ALMS1: variants seen among roughly 807,000 people sequenced by gnomAD.
The protein encoded by ALMS1 is centrosome-associated protein ALMS1.
In ALMS1, 271 loss-of-function variants were observed where a neutral mutation model predicts 352.2. The ratio of observed to expected loss-of-function variants is 0.77; its 90% CI spans 0.70 to 0.85. The LOEUF (loss-of-function observed/expected upper bound fraction) is 0.85, where lower values mean the gene tolerates loss of function less well. Ranked by LOEUF, ALMS1 falls within the 40% of genes least tolerant of loss-of-function variation. The pLI, the probability that ALMS1 is intolerant of heterozygous loss-of-function variation, is 0.00. For missense variants in ALMS1, 5,445 were observed against 4,870.7 expected (o/e 1.12, Z -3.51); for synonymous variants, 1,865 against 1,761.2 (o/e 1.06, Z -1.48).
intron 21 of ALMS1, among the ~76,000 whole-genome samples, chr2:73,604,708 G>T (rs1283509509): frequency 6.6e-6 from 1 of 152,168 alleles, no homozygotes; most frequent in African/African-American, 2.4e-5. Context: ...TGGAGTCCTG[G>T]AAGTTGCTGA....
At chr2:73,540,912 C>T (rs1033587575) in intron 12 of ALMS1, among the ~76,000 whole-genome samples, 7 of 152,154 alleles carry the variant, frequency 4.6e-5, no homozygotes, top group African/African-American at 9.6e-5. Flanking sequence ...TAGACTCCCA[C>T]ACAATAATGT....
Position 73,406,907 on chromosome 2 carries a change from G to A in ALMS1, c.325-1715G>A, listed in dbSNP as rs560744699. Among the ~76,000 whole-genome samples the A allele has an allele frequency of 4.6e-5, 7 of 152,334 alleles. No homozygotes were observed. In the East Asian group the frequency reaches 1.3e-3, roughly 29 times the overall value. On this transcript the variant is annotated intron_variant, in intron 1 of 22. Transcript: ENST00000613296. Reference sequence around the variant, plus strand: ...TCCCAAAGTGCTGGATTACAGGCATGAGCCACCGCACCTGGCCAAAGTTAT... The same window carrying A: ...TCCCAAAGTGCTGGATTACAGGCATAAGCCACCGCACCTGGCCAAAGTTAT...
At chr2:73,454,406 C>T in intron 8 of ALMS1, 1 of 974,822 alleles carries the variant, frequency 1.0e-6, no homozygotes, top group South Asian at 4.8e-5. Flanking sequence ...GCTCCTAAAG[C>T]TATCACGTTT....
intron 1 of ALMS1, among the ~76,000 whole-genome samples, chr2:73,404,691 G>T (rs1670938209): frequency 6.6e-6 from 1 of 151,716 alleles, no homozygotes; most frequent in African/African-American, 2.4e-5. Flanking sequence ...TTTTGTTGAG[G>T]ATTTTTACAT....
At position 73,405,036 on chromosome 2, in the gene ALMS1, C is replaced by G. The variant is rs367701705; in HGVS notation, c.325-3586C>G. ...AAGCAGTCCTCCTACCTCAGCCTCC[C>G]AAGTAACTGTTACCACAGGCAAGCA... is the stretch of plus-strand genomic sequence containing the variant. On this transcript the variant is annotated intron_variant, in intron 1 of 22. Transcript: ENST00000613296. Among the ~76,000 whole-genome samples the G allele has an allele frequency of 6.0e-5, 9 of 150,952 alleles. No individual in the cohort carries two copies. In the East Asian group the frequency reaches 1.2e-3, roughly 20 times the overall value.
intron 6 of ALMS1, 93 bp downstream of exon 6, chr2:73,426,646 C>A: frequency 7.6e-7 from 1 of 1,318,992 alleles, no homozygotes; most frequent in Non-Finnish European, 1.1e-6. Flanking sequence ...TTACTTTTTA[C>A]TGTTTCCTGG....
intron 6 of ALMS1, among the ~76,000 whole-genome samples, chr2:73,428,325 A>G (rs1460061362): frequency 2.6e-5 from 4 of 152,106 alleles, no homozygotes; most frequent in African/African-American, 9.7e-5. Context: ...CAGTATTTGA[A>G]ACTAACCATA....
At chr2:73,430,193 C>T (rs570380599) in intron 6 of ALMS1, among the ~76,000 whole-genome samples, 1 of 151,956 alleles carries the variant, frequency 6.6e-6, no homozygotes, top group Admixed American at 6.5e-5. Context: ...TCTCCTGCCT[C>T]AGCCTCCTGA....
At chr2:73,427,037 GA>G (rs144589960) in intron 6 of ALMS1, among the ~76,000 whole-genome samples, 2,928 of 152,182 alleles carry the variant, frequency 0.019, 107 homozygotes, top group African/African-American at 0.065. Context: ...TGGTGTCTTG[GA>G]AAAGGCATCC....
chr2:73,600,487 T>G (rs1675652135), intron 17 of ALMS1, among the ~76,000 whole-genome samples, 191 bp from the exon 18 acceptor site: 1 of 152,208 alleles, frequency 6.6e-6, no homozygotes, highest in Non-Finnish European at 1.5e-5. Context: ...CCCTTTCTTT[T>G]TTCTTTGCCC....
intron 6 of ALMS1, among the ~76,000 whole-genome samples, chr2:73,430,261 A>G (rs934282598): frequency 5.3e-5 from 8 of 152,000 alleles, no homozygotes; most frequent in African/African-American, 1.7e-4. Context: ...TATTTTTAGT[A>G]GAGACGGGGT....
At chr2:73,440,413 T>C (rs1036725908) in intron 7 of ALMS1, among the ~76,000 whole-genome samples, 5 of 152,204 alleles carry the variant, frequency 3.3e-5, no homozygotes, top group Admixed American at 6.5e-5. Context: ...CTTATTTGCA[T>C]CATTTGATCG....
In ALMS1 at chr2:73,422,932, A is replaced by T; in HGVS notation, c.722A>T (p.Asp241Val). 1 of 1,613,692 alleles carries T rather than the reference A, an allele frequency of 6.2e-7. No homozygotes were observed. The highest frequency in any genetic ancestry group is 8.5e-7 in the Non-Finnish European group (1 of 1,179,674). Residue 241 changes from aspartate (D) to valine (V), a missense_variant, in exon 4 of 23, where the codon GAT becomes GTT. By Grantham distance (152) the Asp-to-Val change is radical. Coordinates refer to ENST00000613296, the MANE Select transcript of ALMS1 (RefSeq NM_001378454.1). The stretch of plus-strand genomic sequence containing the variant: ...ACACAAGACCAAGAATTTGCGCCTG[A>T]TTCTTTATTTCATCAAAGTGAACTA... ...CLTQDQEFAP[D>V]SLFHQSELSF...
rs551157480 is a variant in ALMS1 at position 73,432,343 on chromosome 2, A to G, written c.1432+52A>G. ...GTCCTACTTACGGATACCTTGTGAA[A>G]AAATATCTTGTTAGGTCTATCTAAT... is the stretch of plus-strand genomic sequence containing the variant. On this transcript the variant is annotated intron_variant, in intron 7 of 22. Transcript: ENST00000613296. 129 of 1,328,904 alleles carry G rather than the reference A, an allele frequency of 9.7e-5. 2 individuals carry two copies. In the South Asian group the frequency reaches 1.5e-3, roughly 15 times the overall value. The allele number at this position is 1,328,904 out of a possible 1,614,324, so 82.3% of individuals were successfully genotyped here.
At position 73,448,299 on chromosome 2, in the gene ALMS1, A is replaced by G. The variant is rs541118531; in HGVS notation, c.1772A>G (p.Asp591Gly). The G allele has an allele frequency of 1.2e-6, 2 of 1,613,926 alleles. No homozygotes were observed. The highest frequency in any genetic ancestry group is 1.6e-4 in the Middle Eastern group (1 of 6,084). Residue 591 changes from aspartate to glycine, a missense_variant, in exon 8 of 23, where the codon GAC becomes GGC. Physicochemically the swap from Asp to Gly is moderately conservative, Grantham distance 94. Coordinates refer to ENST00000613296, the MANE Select transcript of ALMS1 (RefSeq NM_001378454.1). ...PSIFYQQGLPDSHLTEEALKV... is the reference protein window; with the variant it reads ...PSIFYQQGLPGSHLTEEALKV... ...ATTTTCTACCAGCAGGGCTTGCCAGACAGTCATCTAACTGAAGAGGCTTTG... is the reference window on the plus strand; with the variant it reads ...ATTTTCTACCAGCAGGGCTTGCCAGGCAGTCATCTAACTGAAGAGGCTTTG...
chr2:73,501,130 C>G (rs1673210649), intron 10 of ALMS1, among the ~76,000 whole-genome samples: 1 of 152,082 alleles, frequency 6.6e-6, no homozygotes, highest in African/African-American at 2.4e-5. Context: ...TGCCCATTTG[C>G]ATGATTTTAT....
In ALMS1 at chr2:73,408,714, A is replaced by G. The variant is rs1671018870; in HGVS notation, c.417A>G (p.Glu139=). 2 of 1,613,586 alleles carry G rather than the reference A, an allele frequency of 1.2e-6. No homozygotes were observed. Among genetic ancestry groups the G allele is most frequent in the Admixed American group, 3.3e-5 (2 of 59,950 alleles). ...CTGATACTAATGTGGTCTGTTTGGA[A>G]ACAACAGCTCAGCGGGGTTCTGGGG... ...QISDTNVVCL[E]TTAQRGSGDD... The change falls in exon 2 of 23, where the codon GAA becomes GAG. Residue 139 remains glutamate (E), a synonymous_variant. Coordinates refer to ENST00000613296, the MANE Select transcript of ALMS1 (RefSeq NM_001378454.1).
chr2:73,468,492 T>G (rs976951897), intron 9 of ALMS1, among the ~76,000 whole-genome samples: 1 of 152,044 alleles, frequency 6.6e-6, no homozygotes. Flanking sequence ...TCTCCAAGAC[T>G]CTTTTCATCT....
chr2:73,573,147 C>G lies in ALMS1; in HGVS notation c.11270C>G (p.Thr3757Ser). ...TDTTTNILSG[T>S]TSTVESDILT... ...ACTACCACCAACATCCTTTCCGGCA[C>G]CACTTCTACTGTCGAATCAGATATA... The change falls in exon 16 of 23, where the codon ACC (threonine) becomes AGC (serine). Residue 3757 changes from threonine to serine, a missense_variant. Thr to Ser is a moderately conservative substitution (Grantham distance 58, BLOSUM62 1). Transcript: ENST00000613296. The G allele has an allele frequency of 1.9e-6, 3 of 1,613,884 alleles. No individual in the cohort carries two copies. Among genetic ancestry groups the G allele is most frequent in the Non-Finnish European group, 2.5e-6 (3 of 1,179,958 alleles).
Sources: gnomAD v4.1 joint callset for allele counts (sites outside exome capture counted in the v4.1 genomes callset) on GRCh38, gnomAD v4.1.1 for gene constraint, MANE v1.5 for transcripts, NCBI Gene and HGNC (gene_info 2026-07-23, HGNC 2026-07-21) for gene names.